TNFAIP8L1: variants seen among roughly 807,000 people sequenced by gnomAD.
TNFAIP8L1 encodes tumor necrosis factor alpha-induced protein 8-like protein 1.
For synonymous variants in TNFAIP8L1, 127 were observed against 125.6 expected (o/e 1.01, Z -0.08); for missense variants, 225 against 266.1 (o/e 0.85, Z 1.08).
At position 4,645,870 on chromosome 19, in the gene TNFAIP8L1, G is replaced by C. The variant is rs1452536598; in HGVS notation, c.-3-5997G>C. Among the ~76,000 whole-genome samples, 1 of 152,118 alleles carries C rather than the reference G, an allele frequency of 6.6e-6. No individual in the cohort carries two copies. The highest frequency in any genetic ancestry group is 2.4e-5 in the African/African-American group (1 of 41,406). ...TCAGAGCTGTGGACGGACCTGGACA[G>C]AGGCTGTGGACAGGGCTGAGGCCTC... On this transcript the variant is annotated intron_variant, in intron 1 of 1. Coordinates refer to ENST00000327473, the MANE Select transcript of TNFAIP8L1 (RefSeq NM_152362.3). This position sits in a 1 kb window ranked among gnomAD's most constrained non-coding sequence, Gnocchi z 4.1.
chr19:4,648,777 G>A (rs1383269057), intron 1 of TNFAIP8L1, among the ~76,000 whole-genome samples: 2 of 152,296 alleles, frequency 1.3e-5, no homozygotes, highest in African/African-American at 4.8e-5. Flanking sequence ...AAAGATGTGG[G>A]CTCCAGGGCC....
chr19:4,647,869 C>A (rs918948325), intron 1 of TNFAIP8L1, among the ~76,000 whole-genome samples: 2 of 152,028 alleles, frequency 1.3e-5, no homozygotes, highest in Non-Finnish European at 2.9e-5. Flanking sequence ...TTCAAGCAAT[C>A]CTCCTGCCTT....
At chr19:4,644,609 T>A (rs1568280452) in intron 1 of TNFAIP8L1, among the ~76,000 whole-genome samples, 1 of 139,232 alleles carries the variant, frequency 7.2e-6, no homozygotes, top group African/African-American at 2.7e-5. Context: ...TCATGGATTT[T>A]TTTTTTTTTT....
rs149894858 is a variant in TNFAIP8L1, at chr19:4,652,350, G to A, written c.481G>A (p.Gly161Ser). ...ADCDFLAALY[G>S]PAEPYRSHLR... ...CTGCGACTTCCTGGCTGCGCTCTAC[G>A]GCCCCGCCGAGCCCTACCGCTCCCA... Residue 161 changes from glycine to serine, a missense_variant, in exon 2 of 2, where the codon GGC becomes AGC. Gly to Ser is a moderately conservative substitution (Grantham distance 56). Coordinates refer to ENST00000327473, the MANE Select transcript of TNFAIP8L1 (RefSeq NM_152362.3). The A allele has an allele frequency of 6.5e-4, 1,008 of 1,551,058 alleles. 3 individuals are homozygous for A. Among genetic ancestry groups the A allele is most frequent in the Middle Eastern group, 4.0e-3 (24 of 5,994 alleles).
intron 1 of TNFAIP8L1, among the ~76,000 whole-genome samples, chr19:4,649,075 G>A (rs1034419658): frequency 4.6e-5 from 7 of 151,572 alleles, no homozygotes; most frequent in Non-Finnish European, 1.0e-4. Flanking sequence ...GACTACAGGC[G>A]CCCACCACCA....
chr19:4,652,062 A>G lies in TNFAIP8L1; in HGVS notation c.193A>G (p.Lys65Glu). The G allele has an allele frequency of 1.2e-6, 2 of 1,612,086 alleles. No homozygotes were observed. Among genetic ancestry groups the G allele is most frequent in the Non-Finnish European group, 1.7e-6 (2 of 1,179,100 alleles). Residue 65 changes from lysine (K) to glutamate (E), a missense_variant, in exon 2 of 2, where the codon AAG becomes GAG. Physicochemically the swap from Lys to Glu is moderately conservative, Grantham distance 56. Transcript: ENST00000327473. ...CCAGAAGATGCTCAAGAACCTGGTC[A>G]AGGTGGCCCTGAAGCTGGGACTGCT... ...EAQKMLKNLV[K>E]VALKLGLLLR...
chr19:4,644,893 G>T (rs115151038), intron 1 of TNFAIP8L1, among the ~76,000 whole-genome samples: 1 of 152,048 alleles, frequency 6.6e-6, no homozygotes, highest in Non-Finnish European at 1.5e-5. Context: ...GAGCCACCAC[G>T]CCCAGCCTGT....
intron 1 of TNFAIP8L1, among the ~76,000 whole-genome samples, chr19:4,649,505 A>G (rs945005583): frequency 3.3e-5 from 5 of 152,118 alleles, no homozygotes; most frequent in Non-Finnish European, 7.4e-5. Context: ...GGCCCTAAAT[A>G]TCAGGGTTGC....
Position 4,652,605 on chromosome 19 carries a change from C to G in TNFAIP8L1, c.*175C>G, listed in dbSNP as rs1250654015. On this transcript the variant is annotated 3_prime_UTR_variant, in exon 2 of 2. Coordinates refer to ENST00000327473, the MANE Select transcript of TNFAIP8L1 (RefSeq NM_152362.3). ...GAGGATGCTGAGGCATCTGTAGCAG[C>G]TGTTTCAAACACCAATGTCACCTCT... 1 of 619,558 alleles carries G rather than the reference C, an allele frequency of 1.6e-6. No individual in the cohort carries two copies. The highest frequency in any genetic ancestry group is 3.2e-5 in the East Asian group (1 of 31,322). The allele number at this position is 619,558 out of a possible 1,614,324, so 38.4% of individuals were successfully genotyped here.
Position 4,653,165 on chromosome 19 carries a change from C to T in TNFAIP8L1, c.*735C>T, listed in dbSNP as rs963152760. On this transcript the variant is annotated 3_prime_UTR_variant, in exon 2 of 2. Coordinates refer to ENST00000327473, the MANE Select transcript of TNFAIP8L1 (RefSeq NM_152362.3). The stretch of plus-strand genomic sequence containing the variant: ...CTGAAAATACAAAAAATTAGCTGGG[C>T]ATGGTGGCACATGCCTGTAGTCCCA... The T allele has an allele frequency of 1.2e-5, 2 of 166,472 alleles. No individual in the cohort carries two copies. The highest frequency in any genetic ancestry group is 2.9e-5 in the Non-Finnish European group (2 of 68,174). 10.3% of individuals were successfully genotyped at this position (166,472 alleles called of 1,614,324 possible).
chr19:4,640,532 CATG>C (rs1246324964), intron 1 of TNFAIP8L1: 2 of 152,256 alleles, frequency 1.3e-5, no homozygotes, highest in African/African-American at 2.4e-5. Flanking sequence ...CTGCCACCCG[CATG>C]ATATCTTGAA....
At chr19:4,647,314 G>GTTTTGTT (rs1228940171) in intron 1 of TNFAIP8L1, among the ~76,000 whole-genome samples, 1 of 151,926 alleles carries the variant, frequency 6.6e-6, no homozygotes, top group African/African-American at 2.4e-5. Flanking sequence ...GGGTTTTTTT[G>GTTTTGTT]TTTTGTTTTT....
chr19:4,650,859 C>T (rs1439592473), intron 1 of TNFAIP8L1, among the ~76,000 whole-genome samples: 1 of 152,166 alleles, frequency 6.6e-6, no homozygotes, highest in Non-Finnish European at 1.5e-5. Context: ...TGGCGGGCGC[C>T]TGTAGTCCCA....
At chr19:4,651,791 CTG>C in intron 1 of TNFAIP8L1, 74 bp from the exon 2 acceptor site, 6 of 1,458,276 alleles carry the variant, frequency 4.1e-6, no homozygotes, top group Non-Finnish European at 5.5e-6. Context: ...CCTCTGGGGT[CTG>C]TGGTGTTGTC....
intron 1 of TNFAIP8L1, among the ~76,000 whole-genome samples, chr19:4,651,021 TAATA>T (rs554324538): frequency 4.9e-4 from 75 of 151,760 alleles, no homozygotes; most frequent in South Asian, 1.5e-3. Flanking sequence ...AATAAATAAA[TAATA>T]AATAAACCAA....
intron 1 of TNFAIP8L1, among the ~76,000 whole-genome samples, chr19:4,647,756 G>T (rs569808927): frequency 6.6e-6 from 1 of 151,640 alleles, no homozygotes; most frequent in South Asian, 2.1e-4. Context: ...CCGAGTACCT[G>T]GGACCACAGA....
intron 1 of TNFAIP8L1, chr19:4,640,803 C>G (rs146063285): frequency 6.6e-6 from 1 of 152,482 alleles, no homozygotes; most frequent in African/African-American, 2.4e-5. Flanking sequence ...AGGGCGCCAA[C>G]TTTGAAACAT....
rs1299125823 is a variant in TNFAIP8L1 at position 4,654,426 on chromosome 19, C to A, written c.*1996C>A. Reference sequence around the variant, plus strand: ...TGGTGAAATCTCGGCTCATTGCAGCCCCTTCCTTCCAGGCTCAAGTGATCC... The same window carrying A: ...TGGTGAAATCTCGGCTCATTGCAGCACCTTCCTTCCAGGCTCAAGTGATCC... On this transcript the variant is annotated 3_prime_UTR_variant, in exon 2 of 2. Coordinates refer to ENST00000327473, the MANE Select transcript of TNFAIP8L1 (RefSeq NM_152362.3). 1.3e-5 allele frequency: 2 copies of A among 152,152 alleles called. No homozygotes were observed. Among genetic ancestry groups the A allele is most frequent in the Admixed American group, 6.6e-5 (1 of 15,264 alleles). The allele number at this position is 152,152 out of a possible 1,614,324, so 9.4% of individuals were successfully genotyped here.
chr19:4,653,408 A>G lies in TNFAIP8L1; in HGVS notation c.*978A>G, dbSNP rs9783964. ...AGGCAGGAAGATTGCTTGAACTCAG[A>G]AGTTCAAGACCAGTCTGGGCAACAT... On this transcript the variant is annotated 3_prime_UTR_variant, in exon 2 of 2. Transcript: ENST00000327473. 57,242 of 166,200 alleles carry G rather than the reference A, an allele frequency of 0.34. 12,301 individuals carry two copies. Among genetic ancestry groups the G allele is most frequent in the African/African-American group, 0.63 (25,961 of 41,126 alleles). The allele number at this position is 166,200 out of a possible 1,614,324, so 10.3% of individuals were successfully genotyped here.
Sources: allele counts gnomAD v4.1 joint callset (sites outside exome capture counted in the v4.1 genomes callset), GRCh38; gene constraint gnomAD v4.1.1; non-coding constraint Gnocchi (gnomAD v3.1); transcripts MANE v1.5; gene names NCBI Gene and HGNC (gene_info 2026-07-23, HGNC 2026-07-21).